Variants in KLHL1 observed in about 807,000 individuals in gnomAD.
The protein encoded by KLHL1 is kelch-like protein 1.
In KLHL1, 47 loss-of-function variants were observed where a neutral mutation model predicts 77.7. The observed-to-expected ratio is 0.60, with a 90% CI of 0.48 to 0.77. KLHL1 has a LOEUF of 0.77. Ranked by LOEUF, KLHL1 falls within the 30% of genes least tolerant of loss-of-function variation. KLHL1 has a pLI of 0.00. For synonymous variants in KLHL1, 360 were observed against 325.2 expected (o/e 1.11, Z -1.15); for missense variants, 925 against 910.8 (o/e 1.02, Z -0.20).
At chr13:70,093,445 G>A (rs897381003) in intron 1 of KLHL1, among the ~76,000 whole-genome samples, 1 of 152,056 alleles carries the variant, frequency 6.6e-6, no homozygotes, top group African/African-American at 2.4e-5. Flanking sequence ...AGTAATAAAA[G>A]AGTAATACAT....
chr13:69,978,986 G>T (rs1402774091), intron 1 of KLHL1, among the ~76,000 whole-genome samples: 1 of 151,986 alleles, frequency 6.6e-6, no homozygotes, highest in East Asian at 1.9e-4. Context: ...GGGGCTGGGG[G>T]TCATAGTATT....
rs1275706963 is a variant in KLHL1, at chr13:69,719,513, G to C, written c.1871C>G (p.Thr624Arg). Residue 624 changes from threonine (T) to arginine (R), a missense_variant, in exon 9 of 11, where the codon ACA (threonine) becomes AGA (arginine). Coordinates refer to ENST00000377844, the MANE Select transcript of KLHL1 (RefSeq NM_020866.3). ...LSSMEYYDPHTNKWNMCAPMC... is the reference protein window; with the variant it reads ...LSSMEYYDPHRNKWNMCAPMC... Reference sequence around the variant, plus strand: ...GGGAGCACACATGTTCCACTTATTTGTATGAGGATCATAATATTCCATTGA... The same window carrying C: ...GGGAGCACACATGTTCCACTTATTTCTATGAGGATCATAATATTCCATTGA... The C allele has an allele frequency of 1.9e-6, 3 of 1,613,224 alleles. No individual in the cohort carries two copies. In the South Asian group the frequency reaches 3.3e-5, roughly 18 times the overall value.
chr13:70,068,359 AAAAACAAAAAC>A (rs149572898), intron 1 of KLHL1, among the ~76,000 whole-genome samples: 14,214 of 138,780 alleles, frequency 0.1, 872 homozygotes, highest in Middle Eastern at 0.14. Flanking sequence ...AAACAAAAAC[AAAAACAAAAAC>A]AAAAAAAAAG....
At chr13:70,082,483 A>G (rs1485227608) in intron 1 of KLHL1, among the ~76,000 whole-genome samples, 1 of 152,118 alleles carries the variant, frequency 6.6e-6, no homozygotes, top group Non-Finnish European at 1.5e-5. Context: ...GAACTAAGAC[A>G]CACTCCAAAT....
intron 7 of KLHL1, among the ~76,000 whole-genome samples, chr13:69,782,103 T>C (rs1199163395): frequency 1.3e-5 from 2 of 152,126 alleles, no homozygotes; most frequent in Non-Finnish European, 2.9e-5. Flanking sequence ...CCAAATAAAT[T>C]TGTGTTCTTT....
chr13:70,042,392 G>C (rs1886398017), intron 1 of KLHL1, among the ~76,000 whole-genome samples: 1 of 151,954 alleles, frequency 6.6e-6, no homozygotes, highest in African/African-American at 2.4e-5. Flanking sequence ...TAGAAGCCTG[G>C]CTACGTTTTG....
At chr13:69,762,863 A>G (rs1487965583) in intron 7 of KLHL1, among the ~76,000 whole-genome samples, 2 of 151,800 alleles carry the variant, frequency 1.3e-5, no homozygotes, top group Admixed American at 6.6e-5. Flanking sequence ...AACCTTATAC[A>G]TGGGCAAAAT....
Position 69,800,330 on chromosome 13 carries a change from G to T in KLHL1, c.1415-3368C>A, listed in dbSNP as rs112752534. On this transcript the variant is annotated intron_variant, in intron 6 of 10. Coordinates refer to ENST00000377844, the MANE Select transcript of KLHL1 (RefSeq NM_020866.3). ...TCTGTGTAACATAACATATTCACAG[G>T]TTCCAGGGTTTAGGATATGGACATT... Among the ~76,000 whole-genome samples the T allele has an allele frequency of 8.5e-4, 130 of 152,214 alleles. 1 individual carries two copies. The highest frequency in any genetic ancestry group is 3.0e-3 in the African/African-American group (126 of 41,522).
chr13:69,837,668 G>GTA (rs1437583003), intron 6 of KLHL1, among the ~76,000 whole-genome samples: 1 of 126,140 alleles, frequency 7.9e-6, no homozygotes, highest in African/African-American at 3.7e-5. Context: ...GTGTGTGTGT[G>GTA]TGTATATATA....
chr13:69,729,203 A>G (rs533908511), intron 8 of KLHL1, among the ~76,000 whole-genome samples: 1 of 152,270 alleles, frequency 6.6e-6, no homozygotes, highest in East Asian at 1.9e-4. Flanking sequence ...TTATTCACCA[A>G]GTGAGTCTGG....
rs570912174 is a variant in KLHL1 at position 69,738,521 on chromosome 13, T to C, written c.1802+1873A>G. On this transcript the variant is annotated intron_variant, in intron 8 of 10. Transcript: ENST00000377844. ...CCATGATAAAACACTACAGGAGCTG[T>C]TAACCAGAATAACCAATTTAGAGAG... is the stretch of plus-strand genomic sequence containing the variant. Among the ~76,000 whole-genome samples, 8 of 152,152 alleles carry C rather than the reference T, an allele frequency of 5.3e-5. No homozygotes were observed. The South Asian group carries it at 1.7e-3, about 32-fold the overall frequency.
intron 1 of KLHL1, among the ~76,000 whole-genome samples, chr13:70,001,463 C>A (rs894989247): frequency 2.0e-5 from 3 of 150,934 alleles, no homozygotes; most frequent in African/African-American, 7.3e-5. Flanking sequence ...TAAGCTAAAT[C>A]GCACATATAA....
intron 6 of KLHL1, among the ~76,000 whole-genome samples, chr13:69,827,764 C>T (rs115235176): frequency 0.015 from 2,230 of 149,722 alleles, 72 homozygotes; most frequent in African/African-American, 0.05. Context: ...TTATTCTTAG[C>T]ACATCTCATC....
intron 1 of KLHL1, among the ~76,000 whole-genome samples, chr13:70,072,081 C>T (rs990436626): frequency 6.6e-5 from 10 of 151,968 alleles, no homozygotes; most frequent in South Asian, 4.2e-4. Flanking sequence ...AAACAGAGAA[C>T]GTGCAAATTA....
intron 1 of KLHL1, among the ~76,000 whole-genome samples, chr13:70,015,254 T>A (rs573489103): frequency 3.3e-5 from 5 of 152,150 alleles, no homozygotes; most frequent in African/African-American, 1.2e-4. Context: ...AGACATATGA[T>A]ATAACCTACT....
At chr13:70,002,859 A>G (rs570849991) in intron 1 of KLHL1, among the ~76,000 whole-genome samples, 1 of 151,736 alleles carries the variant, frequency 6.6e-6, no homozygotes, top group Non-Finnish European at 1.5e-5. Context: ...GTTGAAATAC[A>G]TTCTTAAGCA....
At chr13:70,041,057 T>C (rs948941010) in intron 1 of KLHL1, among the ~76,000 whole-genome samples, 11 of 152,186 alleles carry the variant, frequency 7.2e-5, no homozygotes, top group Admixed American at 1.3e-4. Flanking sequence ...TTAGATATTA[T>C]ATTTTTAATT....
intron 5 of KLHL1, among the ~76,000 whole-genome samples, chr13:69,853,762 G>C (rs1879785050): frequency 6.6e-6 from 1 of 151,890 alleles, no homozygotes; most frequent in African/African-American, 2.4e-5. Flanking sequence ...GTTTTTCCTA[G>C]ATATAACTGG....
At chr13:69,820,344 C>A (rs1336367959) in intron 6 of KLHL1, among the ~76,000 whole-genome samples, 1 of 152,134 alleles carries the variant, frequency 6.6e-6, no homozygotes, top group Non-Finnish European at 1.5e-5. Flanking sequence ...TTACTACTAA[C>A]TCTTCAGTCC....
Sources: gnomAD v4.1 joint callset for allele counts (sites outside exome capture counted in the v4.1 genomes callset) on GRCh38, gnomAD v4.1.1 for gene constraint, MANE v1.5 for transcripts, NCBI Gene and HGNC (gene_info 2026-07-23, HGNC 2026-07-21) for gene names.